SSX2IP: variants seen among roughly 807,000 people sequenced by gnomAD.
SSX2IP encodes the protein SSX family member 2 interacting protein, also known as afadin- and alpha-actinin-binding protein.
SSX2IP carries 55 observed loss-of-function variants against 84.9 expected under a neutral mutation model. The ratio of observed to expected loss-of-function variants is 0.65; its 90% CI spans 0.52 to 0.81. SSX2IP has a LOEUF of 0.81. SSX2IP is among the 30% of genes least tolerant of loss of function. SSX2IP has a pLI of 0.00. For synonymous variants in SSX2IP, 239 were observed against 234.7 expected, an observed-to-expected ratio of 1.02 and a Z score of -0.17; for missense variants, 664 against 705.2, an observed-to-expected ratio of 0.94 and a Z score of 0.66.
chr1:84,664,828 G>C (rs1570637181), intron 5 of SSX2IP, among the ~76,000 whole-genome samples: 1 of 151,986 alleles, frequency 6.6e-6, no homozygotes, highest in East Asian at 1.9e-4. Context: ...TCTTATGGAA[G>C]TATTAAAACG....
chr1:84,683,494 C>A (rs1434411355), intron 1 of SSX2IP, among the ~76,000 whole-genome samples: 6 of 152,214 alleles, frequency 3.9e-5, no homozygotes, highest in African/African-American at 1.4e-4. Flanking sequence ...TCTCTCTGTG[C>A]TTCTAGAACA....
At chr1:84,665,765 C>T (rs767282278) in intron 5 of SSX2IP, among the ~76,000 whole-genome samples, 2 of 152,128 alleles carry the variant, frequency 1.3e-5, no homozygotes, top group Admixed American at 6.6e-5. Context: ...GAAGGGGCAC[C>T]TCAGCTATCA....
At chr1:84,658,501 A>G in intron 8 of SSX2IP, 33 bp from the exon 9 acceptor site, 1 of 1,594,162 alleles carries the variant, frequency 6.3e-7, no homozygotes, top group Non-Finnish European at 8.6e-7. Flanking sequence ...AGGAAAGGCT[A>G]GTACCTTACA....
chr1:84,674,692 T>C (rs1039918136), intron 1 of SSX2IP, among the ~76,000 whole-genome samples: 5 of 152,198 alleles, frequency 3.3e-5, no homozygotes, highest in Non-Finnish European at 7.4e-5. Flanking sequence ...CAGTGAATTG[T>C]TCCCTGCCCT....
chr1:84,659,051 C>G lies in SSX2IP; in HGVS notation c.928-583G>C, dbSNP rs1163363499. Among the ~76,000 whole-genome samples the G allele has an allele frequency of 2.6e-5, 4 of 152,010 alleles. No homozygotes were observed. The East Asian group carries it at 7.7e-4, about 29-fold the overall frequency. On this transcript the variant is annotated intron_variant, in intron 8 of 13. Transcript: ENST00000342203. ...TTACTGATATATGATCACACAGAATCAAAGCAGGATAAAGAACATGGGGAA... is the reference window on the plus strand; with the variant it reads ...TTACTGATATATGATCACACAGAATGAAAGCAGGATAAAGAACATGGGGAA...
chr1:84,657,795 A>G (rs1651343251), intron 9 of SSX2IP, among the ~76,000 whole-genome samples: 1 of 152,184 alleles, frequency 6.6e-6, no homozygotes, highest in Non-Finnish European at 1.5e-5. Flanking sequence ...TCTGAGACCA[A>G]AGTGTATTTT....
intron 5 of SSX2IP, among the ~76,000 whole-genome samples, chr1:84,665,206 C>G (rs1444350266): frequency 6.6e-6 from 1 of 152,072 alleles, no homozygotes. Flanking sequence ...TAATCCCTAC[C>G]GAAGATGAGC....
chr1:84,669,643 A>G lies in SSX2IP; in HGVS notation c.426+38T>C, dbSNP rs368876930. ...GTAAAAATTTATAGTACTCAATTATATAATTATGGCATTAAAATATGGATC... is the reference window on the plus strand; with the variant it reads ...GTAAAAATTTATAGTACTCAATTATGTAATTATGGCATTAAAATATGGATC... On this transcript the variant is annotated intron_variant, in intron 4 of 13. Transcript: ENST00000342203. 5.4e-6 allele frequency: 8 copies of G among 1,492,796 alleles called. No individual in the cohort carries two copies. In the Middle Eastern group the frequency reaches 5.1e-4, roughly 96 times the overall value. 92.5% of individuals were successfully genotyped at this position (1,492,796 alleles called of 1,614,324 possible).
Position 84,664,504 on chromosome 1 carries a change from G to A in SSX2IP, c.586C>T (p.His196Tyr). 1 of 1,601,710 alleles carries A rather than the reference G, an allele frequency of 6.2e-7. No individual in the cohort carries two copies. Among genetic ancestry groups the A allele is most frequent in the East Asian group, 2.3e-5 (1 of 43,870 alleles). The change falls in exon 6 of 14, where the codon CAT becomes TAT. Residue 196 changes from histidine (H) to tyrosine (Y), a missense_variant. His to Tyr is a moderately conservative substitution (Grantham distance 83, BLOSUM62 2). Coordinates refer to ENST00000342203, the MANE Select transcript of SSX2IP (RefSeq NM_001166293.2). ...TCACGCTCTTTTCTCTTCATATCATGATTATACTGAGTAGCTCGACTTGCA... is the reference window on the plus strand; with the variant it reads ...TCACGCTCTTTTCTCTTCATATCATAATTATACTGAGTAGCTCGACTTGCA... ...IIASRATQYN[H>Y]DMKRKEREYN...
intron 1 of SSX2IP, among the ~76,000 whole-genome samples, chr1:84,689,293 T>G (rs1458130211): frequency 6.6e-6 from 1 of 152,216 alleles, no homozygotes; most frequent in Non-Finnish European, 1.5e-5. Context: ...TAGTTCAGGA[T>G]CAAACTGTAG....
At position 84,669,603 on chromosome 1, in the gene SSX2IP, T is replaced by C. The variant is rs571009850; in HGVS notation, c.426+78A>G. On this transcript the variant is annotated intron_variant, in intron 4 of 13. Coordinates refer to ENST00000342203, the MANE Select transcript of SSX2IP (RefSeq NM_001166293.2). Reference sequence around the variant, plus strand: ...CCTAAAGCTTAAGAAAACCCTGAAATATTTAATAAAGTCAGTAAAAATTTA... The same window carrying C: ...CCTAAAGCTTAAGAAAACCCTGAAACATTTAATAAAGTCAGTAAAAATTTA... 3.4e-5 allele frequency: 41 copies of C among 1,208,882 alleles called. No individual in the cohort carries two copies. The African/African-American group carries it at 6.2e-4, about 18-fold the overall frequency. 74.9% of individuals were successfully genotyped at this position (1,208,882 alleles called of 1,614,324 possible).
intron 1 of SSX2IP, among the ~76,000 whole-genome samples, chr1:84,687,501 T>C (rs940649773): frequency 6.6e-6 from 1 of 152,218 alleles, no homozygotes; most frequent in African/African-American, 2.4e-5. Context: ...GGAAGTATCT[T>C]ATTTAATTTG....
chr1:84,650,701 T>C lies in SSX2IP; in HGVS notation c.1505-174A>G, dbSNP rs1230449627. On this transcript the variant is annotated intron_variant, in intron 12 of 13. Coordinates refer to ENST00000342203, the MANE Select transcript of SSX2IP (RefSeq NM_001166293.2). ...CTTTGTTGCATAGTCCACCCATGTTTAAAAGGATCTTTTTTTTTTTTGAGA... is the reference window on the plus strand; with the variant it reads ...CTTTGTTGCATAGTCCACCCATGTTCAAAAGGATCTTTTTTTTTTTTGAGA... Among the ~76,000 whole-genome samples the C allele has an allele frequency of 8.5e-5, 7 of 82,046 alleles. No homozygotes were observed. The Admixed American group carries it at 1.1e-3, about 13-fold the overall frequency. The allele number at this position is 82,046 out of a possible 152,430, so 53.8% of individuals were successfully genotyped here. A position where few individuals can be genotyped will look rare whatever the true frequency, so the allele number is the denominator to read the frequency against.
chr1:84,689,326 C>T (rs917386755), intron 1 of SSX2IP, among the ~76,000 whole-genome samples: 1 of 152,072 alleles, frequency 6.6e-6, no homozygotes, highest in Admixed American at 6.5e-5. Context: ...TTTCTTCTAC[C>T]CCACAGTAAG....
At chr1:84,653,557 G>A (rs1309093877) in intron 11 of SSX2IP, among the ~76,000 whole-genome samples, 7 of 152,192 alleles carry the variant, frequency 4.6e-5, no homozygotes, top group Admixed American at 2.0e-4. Flanking sequence ...AGTAGCAAGA[G>A]TAATTACTCT....
At chr1:84,662,617 A>G (rs1277395438) in intron 6 of SSX2IP, 87 bp from the exon 7 acceptor site, 1 of 1,437,048 alleles carries the variant, frequency 7.0e-7, no homozygotes, top group African/African-American at 1.4e-5. Context: ...GTAAGTGGTG[A>G]AAGTGAACCT....
intron 1 of SSX2IP, among the ~76,000 whole-genome samples, chr1:84,681,424 CA>C (rs1655063697): frequency 6.6e-6 from 1 of 152,140 alleles, no homozygotes; most frequent in Admixed American, 6.5e-5. Context: ...TTAATTAGAA[CA>C]GTATGATCAC....
At chr1:84,653,910 T>C (rs993863166) in intron 11 of SSX2IP, among the ~76,000 whole-genome samples, 9 of 152,068 alleles carry the variant, frequency 5.9e-5, no homozygotes, top group Admixed American at 5.2e-4. Flanking sequence ...CATCATGCTA[T>C]ATAAAGAAAA....
Position 84,671,276 on chromosome 1 carries a change from CTAGCTGCTGTCACTCTTCTATG to C in SSX2IP, c.-79_-58del. 2 of 1,595,424 alleles carry C rather than the reference CTAGCTGCTGTCACTCTTCTATG, an allele frequency of 1.3e-6. No individual in the cohort carries two copies. The highest frequency in any genetic ancestry group is 1.7e-6 in the Non-Finnish European group (2 of 1,172,126). ...CTAGTTCAGCAGTTAAACATTTAGT[CTAGCTGCTGTCACTCTTCTATG>C]TAGGCATCTCCTTAAAAAGCAGATT... On this transcript the variant is annotated 5_prime_UTR_variant, in exon 2 of 14. The change abolishes the stop of an existing upstream ORF in the 5' untranslated region. Transcript: ENST00000342203.
Sources: gnomAD v4.1 joint callset for allele counts (sites outside exome capture counted in the v4.1 genomes callset) on GRCh38, gnomAD v4.1.1 for gene constraint, MANE v1.5 for transcripts, NCBI Gene and HGNC (gene_info 2026-07-23, HGNC 2026-07-21) for gene names.